TMEM178B: variants seen among roughly 807,000 people sequenced by gnomAD.
The protein encoded by TMEM178B is transmembrane protein 178B.
Under a neutral mutation model 31.0 loss-of-function variants are expected in TMEM178B, and 5 were observed. The observed-to-expected ratio is 0.16, with a 90% CI of 0.08 to 0.34. The LOEUF (loss-of-function observed/expected upper bound fraction) is 0.34, where lower values mean the gene tolerates loss of function less well. Among genes scored for constraint, TMEM178B ranks in the 10% least tolerant of loss-of-function variants. The pLI is 1.00. For missense variants in TMEM178B, 275 were observed against 400.3 expected (o/e 0.69, Z 2.67); for synonymous variants, 164 against 164.0 (o/e 1.00, Z 0.00).
At chr7:141,432,344 A>C (rs948409472) in intron 2 of TMEM178B, among the ~76,000 whole-genome samples, 1 of 151,934 alleles carries the variant, frequency 6.6e-6, no homozygotes, top group Non-Finnish European at 1.5e-5. Flanking sequence ...TAATAGAGAC[A>C]GGGTTTCACC....
intron 2 of TMEM178B, among the ~76,000 whole-genome samples, chr7:141,278,851 G>T (rs1336254670): frequency 6.6e-6 from 1 of 152,278 alleles, no homozygotes; most frequent in East Asian, 1.9e-4. Context: ...TAGAAGAAAA[G>T]TTCCAACGGG....
intron 2 of TMEM178B, among the ~76,000 whole-genome samples, chr7:141,337,791 A>T (rs921599291): frequency 4.6e-5 from 7 of 152,240 alleles, no homozygotes; most frequent in Non-Finnish European, 1.0e-4. Flanking sequence ...GCAAACAAAA[A>T]AAGGTGGAAA....
downstream of TMEM178B, chr7:141,480,522 G>C (rs1997227): frequency 0.85 from 130,003 of 152,276 alleles, 55,840 homozygotes; most frequent in Non-Finnish European, 0.87. Context: ...AAACTTGAAT[G>C]CAGAAGAAAA....
rs762511213 is a variant in TMEM178B at position 141,074,735 on chromosome 7, G to C, written c.382+43G>C. ...GGCGTGGCGCTGCGGAGAGCCCGGC[G>C]CCTTTAGGCCCCGCAGCCCCTCGCG... On this transcript the variant is annotated intron_variant, in intron 1 of 3. Transcript: ENST00000565468. This position sits in a 1 kb window ranked among gnomAD's most constrained non-coding sequence, Gnocchi z 5.1. The C allele has an allele frequency of 1.5e-5, 21 of 1,440,360 alleles. No individual in the cohort carries two copies. The highest frequency in any genetic ancestry group is 1.9e-5 in the Non-Finnish European group (21 of 1,102,532). 89.2% of individuals were successfully genotyped at this position (1,440,360 alleles called of 1,614,324 possible). A position where few individuals can be genotyped will look rare whatever the true frequency, so the allele number is the denominator to read the frequency against.
At chr7:141,189,702 A>G (rs1356911837) in intron 1 of TMEM178B, among the ~76,000 whole-genome samples, 1 of 152,224 alleles carries the variant, frequency 6.6e-6, no homozygotes, top group Non-Finnish European at 1.5e-5. Context: ...CCACATCAGC[A>G]TGAGCAGCAT....
chr7:141,089,212 C>T (rs1360565749), intron 1 of TMEM178B, among the ~76,000 whole-genome samples: 6 of 152,134 alleles, frequency 3.9e-5, no homozygotes, highest in South Asian at 2.1e-4. Context: ...GAAAGCACTT[C>T]GACCTGGTAT....
At chr7:141,143,384 A>AT (rs1186965805) in intron 1 of TMEM178B, among the ~76,000 whole-genome samples, 2 of 152,120 alleles carry the variant, frequency 1.3e-5, no homozygotes, top group East Asian at 1.9e-4. Context: ...TATTGAGGTA[A>AT]TTTTTTGTAT....
chr7:141,190,675 A>G (rs960299865), intron 1 of TMEM178B, among the ~76,000 whole-genome samples: 2 of 152,154 alleles, frequency 1.3e-5, no homozygotes, highest in African/African-American at 2.4e-5. Flanking sequence ...CACTTGACAT[A>G]TGGTTTCTAC....
At chr7:141,405,983 A>G (rs751921460) in intron 2 of TMEM178B, among the ~76,000 whole-genome samples, 10 of 152,204 alleles carry the variant, frequency 6.6e-5, no homozygotes, top group Admixed American at 3.3e-4. Flanking sequence ...GGTGTGCTGC[A>G]TTATTTATTG....
chr7:141,223,866 T>G (rs1002284432), intron 2 of TMEM178B, among the ~76,000 whole-genome samples: 4 of 152,342 alleles, frequency 2.6e-5, no homozygotes. Flanking sequence ...TACTGAACCC[T>G]TGAAATATGA....
intron 2 of TMEM178B, among the ~76,000 whole-genome samples, chr7:141,319,683 A>G (rs969979742): frequency 6.6e-6 from 1 of 152,148 alleles, no homozygotes; most frequent in Non-Finnish European, 1.5e-5. Context: ...GATTATAGGC[A>G]TGCACCACCA....
At chr7:141,243,427 A>G (rs1464467822) in intron 2 of TMEM178B, among the ~76,000 whole-genome samples, 1 of 152,006 alleles carries the variant, frequency 6.6e-6, no homozygotes, top group Non-Finnish European at 1.5e-5. Context: ...AGCCATCAGA[A>G]GTAGGAAGAA....
intron 1 of TMEM178B, among the ~76,000 whole-genome samples, chr7:141,160,131 T>C (rs1796144450): frequency 6.6e-6 from 1 of 151,702 alleles, no homozygotes; most frequent in Non-Finnish European, 1.5e-5. Flanking sequence ...AGTGGTGATT[T>C]CTGAAATTTT....
At chr7:141,261,655 C>G (rs954722514) in intron 2 of TMEM178B, among the ~76,000 whole-genome samples, 1 of 152,084 alleles carries the variant, frequency 6.6e-6, no homozygotes, top group African/African-American at 2.4e-5. Context: ...TGAGCTCCGG[C>G]CCCGCTCCAG....
rs756842782 is a variant in TMEM178B at position 141,157,514 on chromosome 7, G to GAAC, written c.383-55054_383-55052dup. ...CTCAAAGCACCCAGGGACAATAACA[G>GAAC]AACAACAACAACAACAACAACAACA... is the stretch of plus-strand genomic sequence containing the variant. On this transcript the variant is annotated intron_variant, in intron 1 of 3. Coordinates refer to ENST00000565468, the MANE Select transcript of TMEM178B (RefSeq NM_001195278.2). Among the ~76,000 whole-genome samples, 1,486 of 151,768 alleles carry GAAC rather than the reference G, an allele frequency of 9.8e-3. 22 individuals are homozygous for GAAC. Among genetic ancestry groups the GAAC allele is most frequent in the African/African-American group, 0.03 (1,238 of 41,334 alleles).
intron 1 of TMEM178B, among the ~76,000 whole-genome samples, chr7:141,184,668 A>G (rs548863875): frequency 6.6e-6 from 1 of 152,144 alleles, no homozygotes; most frequent in South Asian, 2.1e-4. Flanking sequence ...TCTCTTCTCT[A>G]GGGCTATGAC....
At chr7:141,129,616 A>G (rs1056450942) in intron 1 of TMEM178B, among the ~76,000 whole-genome samples, 1 of 152,122 alleles carries the variant, frequency 6.6e-6, no homozygotes, top group African/African-American at 2.4e-5. Flanking sequence ...TGAACTTCAT[A>G]TTGTTGATGA....
In TMEM178B at chr7:141,215,861, T is replaced by TTTCTTTC. The variant is rs1563120426; in HGVS notation, c.496+3158_496+3159insTCTTTCT. On this transcript the variant is annotated intron_variant, in intron 2 of 3. Coordinates refer to ENST00000565468, the MANE Select transcript of TMEM178B (RefSeq NM_001195278.2). ...TTCTTTTCTTTTCTTTTCTTTCTCT[T>TTTCTTTC]TCTTTCTTTTCCTCCTTCCTTCCTT... 2.0e-4 allele frequency among the ~76,000 whole-genome samples: 25 copies of TTTCTTTC among 128,062 alleles called. No individual in the cohort carries two copies. In the East Asian group the frequency reaches 2.4e-3, roughly 12 times the overall value. 84.0% of individuals were successfully genotyped at this position (128,062 alleles called of 152,430 possible). A position where few individuals can be genotyped will look rare whatever the true frequency, so the allele number is the denominator to read the frequency against.
chr7:141,134,126 T>G (rs1795637157), intron 1 of TMEM178B, among the ~76,000 whole-genome samples: 1 of 152,076 alleles, frequency 6.6e-6, no homozygotes, highest in East Asian at 1.9e-4. Flanking sequence ...TCCCAGCTAC[T>G]TGGGAGGCTG....
Sources: allele counts gnomAD v4.1 joint callset (sites outside exome capture counted in the v4.1 genomes callset), GRCh38; gene constraint gnomAD v4.1.1; non-coding constraint Gnocchi (gnomAD v3.1); transcripts MANE v1.5; gene names NCBI Gene and HGNC (gene_info 2026-07-23, HGNC 2026-07-21).